NR3C2: variants seen among roughly 807,000 people sequenced by gnomAD.
NR3C2 encodes the protein mineralocorticoid receptor.
A neutral mutation model predicts 86.4 loss-of-function variants in NR3C2; 15 were observed. The observed-to-expected ratio is 0.17, with a 90% CI of 0.12 to 0.27. NR3C2 has a LOEUF of 0.27. NR3C2 is among the 10% of genes least tolerant of loss of function. NR3C2 has a pLI of 1.00. For synonymous variants in NR3C2, 458 were observed against 450.5 expected (o/e 1.02, Z -0.21); for missense variants, 960 against 1,195.6 (o/e 0.80, Z 2.91).
intron 8 of NR3C2, among the ~76,000 whole-genome samples, chr4:148,106,691 A>G (rs987180442): frequency 1.3e-5 from 2 of 152,236 alleles, no homozygotes; most frequent in Admixed American, 1.3e-4. Context: ...ACAGAACAGA[A>G]ACCTCAGAAA....
intron 4 of NR3C2, 141 bp downstream of exon 4, chr4:148,194,605 T>C: frequency 1.6e-6 from 1 of 637,556 alleles, no homozygotes. Context: ...TAAAATGTTT[T>C]AGCATGAAAA....
At chr4:148,083,168 T>C (rs1730658009) in intron 8 of NR3C2, among the ~76,000 whole-genome samples, 1 of 152,176 alleles carries the variant, frequency 6.6e-6, no homozygotes. Context: ...ACTTAAATGT[T>C]CCTGCCTGCC....
At chr4:148,443,857 G>C (rs1436645744), upstream of NR3C2, 1 of 335,694 alleles carries the variant, frequency 3.0e-6, no homozygotes, top group Non-Finnish European at 4.2e-6. Context: ...CCGGGATTCC[G>C]GACCCCTAAC....
chr4:148,236,693 T>C (rs1251145022), intron 3 of NR3C2, among the ~76,000 whole-genome samples: 3 of 152,236 alleles, frequency 2.0e-5, no homozygotes, highest in Admixed American at 1.3e-4. Flanking sequence ...TGGTCATCAC[T>C]GATAAGGTAT....
chr4:148,333,690 CT>C (rs1231258729), intron 2 of NR3C2, among the ~76,000 whole-genome samples: 2 of 152,252 alleles, frequency 1.3e-5, no homozygotes, highest in Non-Finnish European at 2.9e-5. Context: ...GAACCTACCC[CT>C]AGCTGATATA....
At chr4:148,101,527 G>A in intron 8 of NR3C2, among the ~76,000 whole-genome samples, 1 of 152,176 alleles carries the variant, frequency 6.6e-6, no homozygotes, top group South Asian at 2.1e-4. Context: ...ACTAAATCAT[G>A]ACTTAAAAAA....
chr4:148,297,650 C>A (rs74383029), intron 2 of NR3C2, among the ~76,000 whole-genome samples: 5,990 of 152,130 alleles, frequency 0.039, 369 homozygotes, highest in African/African-American at 0.13. Flanking sequence ...ATGTTTTCTT[C>A]ATTTTTCTGC....
At chr4:148,194,702 T>G in intron 4 of NR3C2, 44 bp downstream of exon 4, 1 of 1,277,776 alleles carries the variant, frequency 7.8e-7, no homozygotes, top group Non-Finnish European at 1.1e-6. Flanking sequence ...TGCTGTTGCA[T>G]TACCTATTAA....
At chr4:148,285,743 C>T (rs1355036100) in intron 2 of NR3C2, among the ~76,000 whole-genome samples, 2 of 151,978 alleles carry the variant, frequency 1.3e-5, no homozygotes, top group Non-Finnish European at 1.5e-5. Flanking sequence ...AAAACTTCCT[C>T]CATTGGCACA....
At chr4:148,134,357 A>G (rs560506300) in intron 6 of NR3C2, among the ~76,000 whole-genome samples, 1 of 152,350 alleles carries the variant, frequency 6.6e-6, no homozygotes, top group South Asian at 2.1e-4. Context: ...AATGGCATGA[A>G]TACAATGATT....
chr4:148,300,737 T>C (rs974446637), intron 2 of NR3C2, among the ~76,000 whole-genome samples: 13 of 152,028 alleles, frequency 8.6e-5, no homozygotes, highest in African/African-American at 3.1e-4. Context: ...CATGCCCAGC[T>C]ACTTTTGTAT....
chr4:148,110,037 T>C (rs1731981478), intron 8 of NR3C2, among the ~76,000 whole-genome samples: 1 of 152,230 alleles, frequency 6.6e-6, no homozygotes, highest in Non-Finnish European at 1.5e-5. Context: ...CAATTCTTTC[T>C]AGTAGAGTAA....
At chr4:148,254,925 C>T (rs144678319) in intron 3 of NR3C2, among the ~76,000 whole-genome samples, 13 of 152,098 alleles carry the variant, frequency 8.5e-5, no homozygotes, top group African/African-American at 3.1e-4. Context: ...TAAATTATTC[C>T]CCCTACTTTA....
At chr4:148,361,148 T>A (rs1745816474) in intron 2 of NR3C2, among the ~76,000 whole-genome samples, 1 of 152,192 alleles carries the variant, frequency 6.6e-6, no homozygotes, top group South Asian at 2.1e-4. Context: ...TCAGATAACC[T>A]TCCAGCAGAA....
chr4:148,111,158 T>C (rs1291372913), intron 8 of NR3C2, among the ~76,000 whole-genome samples: 1 of 152,202 alleles, frequency 6.6e-6, no homozygotes, highest in Non-Finnish European at 1.5e-5. Flanking sequence ...TATCCAATTA[T>C]GAAAAATGAG....
chr4:148,249,662 A>C (rs1739483320), intron 3 of NR3C2, among the ~76,000 whole-genome samples: 1 of 152,236 alleles, frequency 6.6e-6, no homozygotes, highest in Admixed American at 6.5e-5. Flanking sequence ...TAAATGTCTT[A>C]TACCTGTAAG....
intron 3 of NR3C2, among the ~76,000 whole-genome samples, chr4:148,243,196 A>C (rs1356892648): frequency 6.6e-6 from 1 of 151,852 alleles, no homozygotes; most frequent in Non-Finnish European, 1.5e-5. Flanking sequence ...ATGCCTGGCT[A>C]ATTTTTGTTT....
intron 8 of NR3C2, among the ~76,000 whole-genome samples, chr4:148,098,784 T>C (rs966427107): frequency 6.6e-6 from 1 of 152,222 alleles, no homozygotes; most frequent in Non-Finnish European, 1.5e-5. Context: ...ATAAACTTAA[T>C]TGGTCAATTG....
intron 2 of NR3C2, among the ~76,000 whole-genome samples, chr4:148,410,017 A>G (rs1021371510): frequency 4.6e-5 from 7 of 152,192 alleles, no homozygotes; most frequent in South Asian, 2.1e-4. Flanking sequence ...ATAAATTCCA[A>G]TAACTACCAT....
Sources: gnomAD v4.1 joint callset for allele counts (sites outside exome capture counted in the v4.1 genomes callset) on GRCh38, gnomAD v4.1.1 for gene constraint, MANE v1.5 for transcripts, NCBI Gene and HGNC (gene_info 2026-07-23, HGNC 2026-07-21) for gene names.